Variants in DYNC1I1 observed in about 807,000 individuals in gnomAD.
DYNC1I1 encodes the protein cytoplasmic dynein 1 intermediate chain 1.
DYNC1I1 carries 43 observed loss-of-function variants against 86.6 expected under a neutral mutation model. That is an observed-to-expected ratio of 0.50 (90% CI 0.39 to 0.64). DYNC1I1 has a LOEUF of 0.64. DYNC1I1 is among the 30% of genes least tolerant of loss of function. The pLI is 0.00. For missense variants in DYNC1I1, 604 were observed against 788.8 expected (o/e 0.77, Z 2.81); for synonymous variants, 262 against 283.7 (o/e 0.92, Z 0.77).
intron 14 of DYNC1I1, among the ~76,000 whole-genome samples, chr7:96,042,164 G>A (rs1443956543): frequency 2.0e-5 from 3 of 152,010 alleles, no homozygotes; most frequent in Non-Finnish European, 2.9e-5. Flanking sequence ...GCTATCCTGA[G>A]GCCATTGTAT....
chr7:96,029,732 G>C (rs1794762744), intron 11 of DYNC1I1, among the ~76,000 whole-genome samples: 1 of 152,032 alleles, frequency 6.6e-6, no homozygotes, highest in African/African-American at 2.4e-5. Flanking sequence ...CCAACATGGA[G>C]AAACGCTGTC....
chr7:96,106,361 C>T (rs1243955762), intron 16 of DYNC1I1, among the ~76,000 whole-genome samples: 1 of 152,050 alleles, frequency 6.6e-6, no homozygotes, highest in East Asian at 1.9e-4. Flanking sequence ...TGGTGAAACC[C>T]TGTCTCTACT....
chr7:95,779,675 C>G (rs895663251), intron 1 of DYNC1I1, among the ~76,000 whole-genome samples: 10 of 152,308 alleles, frequency 6.6e-5, no homozygotes, highest in African/African-American at 2.2e-4. Context: ...AGCAGAGAAC[C>G]TTACTCATGG....
chr7:95,943,428 C>T (rs916857874), intron 6 of DYNC1I1, among the ~76,000 whole-genome samples: 4 of 151,220 alleles, frequency 2.6e-5, no homozygotes, highest in African/African-American at 9.7e-5. Context: ...GAATCAATAT[C>T]GTGAAAATGG....
intron 6 of DYNC1I1, among the ~76,000 whole-genome samples, chr7:95,922,867 G>A (rs2116383034): frequency 6.6e-6 from 1 of 151,900 alleles, no homozygotes; most frequent in East Asian, 1.9e-4. Flanking sequence ...TCTAAAAATG[G>A]AAATTGAGTT....
At chr7:96,069,783 C>G (rs1790106978) in intron 14 of DYNC1I1, among the ~76,000 whole-genome samples, 1 of 152,092 alleles carries the variant, frequency 6.6e-6, no homozygotes, top group South Asian at 2.1e-4. Context: ...GTGGATTCTT[C>G]CATGCAAATA....
At chr7:95,849,621 G>A (rs2116059256) in intron 5 of DYNC1I1, among the ~76,000 whole-genome samples, 1 of 152,052 alleles carries the variant, frequency 6.6e-6, no homozygotes, top group East Asian at 1.9e-4. Context: ...ATTACTTAAG[G>A]TTTGTAGTAT....
intron 6 of DYNC1I1, among the ~76,000 whole-genome samples, chr7:95,877,420 C>G (rs1790339903): frequency 6.6e-6 from 1 of 152,138 alleles, no homozygotes; most frequent in South Asian, 2.1e-4. Context: ...TCCCACACAG[C>G]CAGCTGCTAA....
chr7:96,108,954 G>T (rs145812813), intron 16 of DYNC1I1, among the ~76,000 whole-genome samples: 1 of 151,902 alleles, frequency 6.6e-6, no homozygotes, highest in African/African-American at 2.4e-5. Context: ...ACTTTGGTAG[G>T]ATATATCTTT....
At chr7:95,851,006 G>A (rs973527180) in intron 5 of DYNC1I1, among the ~76,000 whole-genome samples, 1 of 152,008 alleles carries the variant, frequency 6.6e-6, no homozygotes, top group Non-Finnish European at 1.5e-5. Flanking sequence ...TACAGTGTTT[G>A]TGAATGCAGC....
intron 2 of DYNC1I1, among the ~76,000 whole-genome samples, chr7:95,805,678 TGG>T (rs1794685808): frequency 6.6e-6 from 1 of 152,182 alleles, no homozygotes; most frequent in Non-Finnish European, 1.5e-5. Context: ...TAATTTGTCG[TGG>T]CAGTGTAGGA....
chr7:95,837,300 C>T (rs1340864418), intron 5 of DYNC1I1, among the ~76,000 whole-genome samples: 1 of 151,764 alleles, frequency 6.6e-6, no homozygotes, highest in Non-Finnish European at 1.5e-5. Context: ...GGTCAGGGAC[C>T]CACTTGAGGA....
chr7:96,076,184 A>G lies in DYNC1I1; in HGVS notation c.1637A>G (p.Asn546Ser). ...GMGRLDLWNL[N>S]NDTEVPTASV... ...GGGCGCTTGGACCTCTGGAACCTCA[A>G]CAATGACACCGAGGTGAGCGGCGGC... is the stretch of plus-strand genomic sequence containing the variant. Residue 546 changes from asparagine (N) to serine (S), a missense_variant, in exon 15 of 17, where the codon AAC becomes AGC. Coordinates refer to ENST00000447467, the MANE Select transcript of DYNC1I1 (RefSeq NM_001135556.2). 1 of 1,614,118 alleles carries G rather than the reference A, an allele frequency of 6.2e-7. No homozygotes were observed. The highest frequency in any genetic ancestry group is 1.1e-5 in the South Asian group (1 of 91,084).
intron 14 of DYNC1I1, among the ~76,000 whole-genome samples, chr7:96,069,759 G>A (rs545949928): frequency 5.8e-4 from 89 of 152,174 alleles, no homozygotes; most frequent in African/African-American, 2.0e-3. Flanking sequence ...TATTGGTGGC[G>A]CCTCTTGGAT....
At chr7:95,950,605 C>T (rs1792526296) in intron 6 of DYNC1I1, among the ~76,000 whole-genome samples, 3 of 152,174 alleles carry the variant, frequency 2.0e-5, no homozygotes. Context: ...CTGACATCTG[C>T]AACTCTCATG....
At chr7:95,852,642 G>A (rs1324324462) in intron 5 of DYNC1I1, among the ~76,000 whole-genome samples, 1 of 152,030 alleles carries the variant, frequency 6.6e-6, no homozygotes, top group African/African-American at 2.4e-5. Flanking sequence ...GGGTAGCGAG[G>A]ATTACAGGTG....
At chr7:96,008,320 G>A (rs988327575) in intron 10 of DYNC1I1, among the ~76,000 whole-genome samples, 1 of 152,118 alleles carries the variant, frequency 6.6e-6, no homozygotes, top group Non-Finnish European at 1.5e-5. Flanking sequence ...AGAGAGCAGA[G>A]GGAAGGGGGT....
intron 16 of DYNC1I1, among the ~76,000 whole-genome samples, chr7:96,093,606 A>G (rs935593651): frequency 2.0e-5 from 3 of 152,190 alleles, no homozygotes; most frequent in Non-Finnish European, 4.4e-5. Context: ...TCATTGAATC[A>G]GGAGATGGAC....
At chr7:95,992,238 C>T (rs1248679138) in intron 9 of DYNC1I1, among the ~76,000 whole-genome samples, 1 of 152,106 alleles carries the variant, frequency 6.6e-6, no homozygotes, top group African/African-American at 2.4e-5. Context: ...CTTGTAGTTA[C>T]TTCTACGTGT....
Sources: allele counts gnomAD v4.1 joint callset (sites outside exome capture counted in the v4.1 genomes callset), GRCh38; gene constraint gnomAD v4.1.1; transcripts MANE v1.5; gene names NCBI Gene and HGNC (gene_info 2026-07-23, HGNC 2026-07-21).